Variants in SPOCK1 observed in about 807,000 individuals in gnomAD.
The protein encoded by SPOCK1 is SPARC (osteonectin), cwcv and kazal like domains proteoglycan 1.
In SPOCK1, 23 loss-of-function variants were observed where a neutral mutation model predicts 55.3. That is an observed-to-expected ratio of 0.42 (90% CI 0.30 to 0.59). The LOEUF is 0.59. Ranked by LOEUF, SPOCK1 falls within the 20% of genes least tolerant of loss-of-function variation. SPOCK1 has a pLI of 0.22. For synonymous variants in SPOCK1, 226 were observed against 221.0 expected (o/e 1.02, Z -0.20); for missense variants, 499 against 552.5 (o/e 0.90, Z 0.97).
At chr5:137,336,873 G>A (rs1211839017) in intron 2 of SPOCK1, among the ~76,000 whole-genome samples, 3 of 152,232 alleles carry the variant, frequency 2.0e-5, no homozygotes, top group African/African-American at 2.4e-5. Flanking sequence ...GCCCAAGAGA[G>A]TTTCAAGTGC....
intron 5 of SPOCK1, among the ~76,000 whole-genome samples, chr5:137,072,087 C>G (rs974315068): frequency 6.6e-6 from 1 of 152,312 alleles, no homozygotes; most frequent in East Asian, 1.9e-4. Context: ...TGGCTCAGCT[C>G]TGCTGGAAAG....
chr5:137,222,249 C>T (rs1037080406), intron 3 of SPOCK1, among the ~76,000 whole-genome samples: 13 of 152,118 alleles, frequency 8.5e-5, no homozygotes, highest in Admixed American at 3.3e-4. Context: ...ATTTGATTCC[C>T]GCCCCCACTT....
intron 2 of SPOCK1, among the ~76,000 whole-genome samples, chr5:137,288,305 T>G (rs1465001639): frequency 6.6e-6 from 1 of 152,202 alleles, no homozygotes; most frequent in Non-Finnish European, 1.5e-5. Context: ...TTTCCAACCA[T>G]AAGCCAAGAA....
At chr5:137,358,467 G>A (rs1476568292) in intron 2 of SPOCK1, among the ~76,000 whole-genome samples, 2 of 138,388 alleles carry the variant, frequency 1.4e-5, no homozygotes, top group African/African-American at 5.2e-5. Flanking sequence ...GGGGAGGGGA[G>A]GGGAGGGGAG....
intron 2 of SPOCK1, among the ~76,000 whole-genome samples, chr5:137,376,547 G>A (rs1376371820): frequency 6.6e-6 from 1 of 152,310 alleles, no homozygotes; most frequent in Non-Finnish European, 1.5e-5. Flanking sequence ...GGGGCAGAGG[G>A]GGGCCTTTTA....
chr5:137,067,609 C>T (rs1281758658), intron 6 of SPOCK1, 106 bp downstream of exon 6: 1 of 930,844 alleles, frequency 1.1e-6, no homozygotes, highest in Non-Finnish European at 1.7e-6. Context: ...CATGTCTGCT[C>T]ATTTCTCCAG....
At chr5:137,279,492 C>T (rs1229198900) in intron 2 of SPOCK1, among the ~76,000 whole-genome samples, 1 of 152,186 alleles carries the variant, frequency 6.6e-6, no homozygotes, top group Non-Finnish European at 1.5e-5. Flanking sequence ...GAGGACATTG[C>T]ATTCAGGGGA....
intron 2 of SPOCK1, among the ~76,000 whole-genome samples, chr5:137,416,412 A>G (rs575522913): frequency 6.6e-6 from 1 of 152,300 alleles, no homozygotes; most frequent in East Asian, 1.9e-4. Flanking sequence ...CAGAATCAAC[A>G]TTAGTTATAT....
chr5:137,224,803 G>A (rs893488011), intron 3 of SPOCK1, among the ~76,000 whole-genome samples: 1 of 152,108 alleles, frequency 6.6e-6, no homozygotes, highest in Non-Finnish European at 1.5e-5. Context: ...CTTCTCACAG[G>A]CTGCTGCAAT....
chr5:137,336,056 C>G (rs1027666010), intron 2 of SPOCK1, among the ~76,000 whole-genome samples: 1 of 152,170 alleles, frequency 6.6e-6, no homozygotes, highest in Non-Finnish European at 1.5e-5. Context: ...AGGTACTTTA[C>G]AGTACTTACA....
chr5:137,279,172 T>A (rs1388798758), intron 2 of SPOCK1, among the ~76,000 whole-genome samples: 1 of 152,182 alleles, frequency 6.6e-6, no homozygotes, highest in African/African-American at 2.4e-5. Context: ...TTCTAAAGCA[T>A]ACTGCACTCT....
In SPOCK1 at chr5:137,196,404, G is replaced by T. The variant is rs116817862; in HGVS notation, c.233-55710C>A. ...CTAGGATGAGGACAGTACTCCACAA[G>T]GTGCATGGCCCTGGGCCATCTGGCT... On this transcript the variant is annotated intron_variant, in intron 3 of 10. Transcript: ENST00000394945. 5.8e-3 allele frequency among the ~76,000 whole-genome samples: 877 copies of T among 152,312 alleles called. 10 individuals carry two copies. Among genetic ancestry groups the T allele is most frequent in the African/African-American group, 0.02 (822 of 41,566 alleles).
intron 2 of SPOCK1, among the ~76,000 whole-genome samples, chr5:137,439,846 A>C (rs1182558274): frequency 1.3e-5 from 2 of 152,198 alleles, no homozygotes; most frequent in African/African-American, 4.8e-5. Context: ...GAAAGACCTG[A>C]AGATACCAAC....
intron 5 of SPOCK1, among the ~76,000 whole-genome samples, chr5:137,078,492 G>A (rs887113829): frequency 2.6e-4 from 40 of 152,194 alleles, no homozygotes; most frequent in Admixed American, 2.2e-3. Context: ...CAGCTGTGAT[G>A]GTGGGTAGGG....
intron 2 of SPOCK1, among the ~76,000 whole-genome samples, chr5:137,274,614 A>G (rs1271221718): frequency 6.6e-6 from 1 of 152,242 alleles, no homozygotes; most frequent in Non-Finnish European, 1.5e-5. Context: ...ACTGAGAGAA[A>G]CATTAGACTT....
intron 3 of SPOCK1, among the ~76,000 whole-genome samples, chr5:137,243,174 C>T (rs1041568397): frequency 6.6e-6 from 1 of 152,164 alleles, no homozygotes; most frequent in Admixed American, 6.5e-5. Context: ...ACAACTGAGC[C>T]GCTGATTTTT....
chr5:137,091,339 A>G (rs1394469450), intron 5 of SPOCK1, among the ~76,000 whole-genome samples: 4 of 152,216 alleles, frequency 2.6e-5, no homozygotes, highest in African/African-American at 9.6e-5. Context: ...AAGCCAGGAT[A>G]AGAAGACAAC....
chr5:137,446,413 A>G (rs1264645661), intron 2 of SPOCK1, among the ~76,000 whole-genome samples: 1 of 152,190 alleles, frequency 6.6e-6, no homozygotes. Flanking sequence ...AGACAGGAAG[A>G]GTAGACACCC....
intron 2 of SPOCK1, among the ~76,000 whole-genome samples, chr5:137,315,517 C>A (rs1386367456): frequency 1.3e-5 from 2 of 152,240 alleles, no homozygotes; most frequent in East Asian, 1.9e-4. Context: ...ACTTTACCTT[C>A]AATGCCTCTG....
Sources: gnomAD v4.1 joint callset for allele counts (sites outside exome capture counted in the v4.1 genomes callset) on GRCh38, gnomAD v4.1.1 for gene constraint, MANE v1.5 for transcripts, NCBI Gene and HGNC (gene_info 2026-07-23, HGNC 2026-07-21) for gene names.